LRRC40: variants seen among roughly 807,000 people sequenced by gnomAD.
LRRC40 encodes the protein leucine rich repeat containing 40.
Under a neutral mutation model 72.8 loss-of-function variants are expected in LRRC40, and 76 were observed. The observed-to-expected ratio is 1.04, with a 90% CI of 0.87 to 1.26. LRRC40 has a LOEUF of 1.26. LRRC40 is among the 50% of genes most tolerant of loss of function. LRRC40 has a pLI of 0.00. For synonymous variants in LRRC40, 243 were observed against 254.2 expected, an observed-to-expected ratio of 0.96 and a Z score of 0.42; for missense variants, 684 against 698.9, an observed-to-expected ratio of 0.98 and a Z score of 0.24.
chr1:70,175,959 C>A lies in LRRC40; in HGVS notation c.828G>T (p.Gln276His), dbSNP rs1328918553. 10 of 1,579,830 alleles carry A rather than the reference C, an allele frequency of 6.3e-6. No individual in the cohort carries two copies. The highest frequency in any genetic ancestry group is 8.6e-6 in the Non-Finnish European group (10 of 1,168,322). The change falls in exon 7 of 15, where the codon CAG becomes CAT. Residue 276 changes from glutamine to histidine, a missense_variant. Gln to His is a conservative substitution (Grantham distance 24). Coordinates refer to ENST00000370952, the MANE Select transcript of LRRC40 (RefSeq NM_017768.5). ...GATGTTCTGCCTCTAACATTTCAAT[C>A]TGGTTTTCACCTACGTGCAATTCCT... Reference protein sequence around the residue: ...LLKELHVGENQIEMLEAEHLK... With the variant: ...LLKELHVGENHIEMLEAEHLK...
chr1:70,179,511 A>C (rs956531061), intron 5 of LRRC40, among the ~76,000 whole-genome samples: 5 of 152,152 alleles, frequency 3.3e-5, no homozygotes, highest in Non-Finnish European at 5.9e-5. Flanking sequence ...TTTAAAAATA[A>C]AGTTCTGGTA....
At chr1:70,185,342 T>C (rs1022642878) in intron 3 of LRRC40, among the ~76,000 whole-genome samples, 17 of 152,208 alleles carry the variant, frequency 1.1e-4, no homozygotes, top group Admixed American at 9.2e-4. Flanking sequence ...TGGTGGGAGA[T>C]AGTATGAATC....
chr1:70,184,653 C>T (rs1441213660), intron 4 of LRRC40, 132 bp downstream of exon 4: 3 of 867,358 alleles, frequency 3.5e-6, no homozygotes, highest in Admixed American at 2.9e-5. Context: ...TTGAAATGCA[C>T]ATTTCTGATA....
chr1:70,159,510 T>G (rs112154676), intron 9 of LRRC40, 72 bp from the exon 10 acceptor site: 1 of 656,612 alleles, frequency 1.5e-6, no homozygotes, highest in Non-Finnish European at 2.7e-6. Context: ...TGATAATATA[T>G]TAAAACAGTG....
Position 70,184,768 on chromosome 1 carries a change from G to A in LRRC40, c.537+17C>T. The A allele has an allele frequency of 6.3e-7, 1 of 1,582,192 alleles. No individual in the cohort carries two copies. The highest frequency in any genetic ancestry group is 1.2e-5 in the South Asian group (1 of 85,104). ...ACCAGCCCCAAATTGTACAAAAATT[G>A]GAAAATCAGAACTTACTAAATCTTC... On this transcript the variant is annotated intron_variant, in intron 4 of 14. Transcript: ENST00000370952.
intron 4 of LRRC40, 40 bp from the exon 5 acceptor site, chr1:70,181,249 A>T: frequency 7.9e-7 from 1 of 1,267,362 alleles, no homozygotes; most frequent in Non-Finnish European, 1.1e-6. Context: ...ATAAACAAGT[A>T]AAAAAATAAA....
chr1:70,185,719 C>T (rs1668346196), intron 3 of LRRC40, among the ~76,000 whole-genome samples: 1 of 152,108 alleles, frequency 6.6e-6, no homozygotes, highest in African/African-American at 2.4e-5. Flanking sequence ...TGTTTGAGGA[C>T]CTAGGATGTC....
intron 3 of LRRC40, among the ~76,000 whole-genome samples, chr1:70,186,293 A>G (rs1298858986): frequency 6.6e-6 from 1 of 152,170 alleles, no homozygotes; most frequent in Non-Finnish European, 1.5e-5. Flanking sequence ...CATGTCACTC[A>G]ACACTTACTG....
intron 1 of LRRC40, among the ~76,000 whole-genome samples, chr1:70,194,338 A>G (rs1352956097): frequency 1.3e-5 from 2 of 149,350 alleles, no homozygotes; most frequent in Non-Finnish European, 2.9e-5. Context: ...AAGATTTACA[A>G]TACAAGACAT....
At chr1:70,161,344 A>C (rs909176097) in intron 9 of LRRC40, among the ~76,000 whole-genome samples, 6 of 151,832 alleles carry the variant, frequency 4.0e-5, no homozygotes, top group Non-Finnish European at 8.8e-5. Context: ...TTGGCCTCCC[A>C]AAGTGCTGGG....
At chr1:70,161,160 C>T (rs1006257916) in intron 9 of LRRC40, among the ~76,000 whole-genome samples, 1 of 150,802 alleles carries the variant, frequency 6.6e-6, no homozygotes, top group Admixed American at 6.6e-5. Flanking sequence ...CGATCTCGCA[C>T]GGCAAGCTCC....
At chr1:70,164,285 G>A (rs1217357351) in intron 9 of LRRC40, among the ~76,000 whole-genome samples, 1 of 152,134 alleles carries the variant, frequency 6.6e-6, no homozygotes, top group Non-Finnish European at 1.5e-5. Context: ...AGCTACTCAT[G>A]AGGCTGAGGC....
chr1:70,151,149 G>A lies in LRRC40; in HGVS notation c.1496C>T (p.Thr499Met), dbSNP rs781661778. The change falls in exon 13 of 15, where the codon ACG (threonine) becomes ATG (methionine). Residue 499 changes from threonine (T) to methionine (M), a missense_variant. Transcript: ENST00000370952. The part of the protein sequence containing the change: ...EEMESLVRLQ[T>M]INLSFNRFKM... ...TTACCTATTAAAGGAAAGATTGATC[G>A]TTTGCAGTCTTACCAGTGATTCCAT... 26 of 1,580,210 alleles carry A rather than the reference G, an allele frequency of 1.6e-5. No individual in the cohort carries two copies. Among genetic ancestry groups the A allele is most frequent in the South Asian group, 2.2e-5 (2 of 89,468 alleles).
intron 4 of LRRC40, among the ~76,000 whole-genome samples, chr1:70,181,460 T>C (rs892026006): frequency 6.6e-6 from 1 of 152,064 alleles, no homozygotes; most frequent in African/African-American, 2.4e-5. Flanking sequence ...GAATTCTAAC[T>C]TCAAAAATAT....
At chr1:70,172,784 C>T (rs1218457862) in intron 9 of LRRC40, among the ~76,000 whole-genome samples, 1 of 152,088 alleles carries the variant, frequency 6.6e-6, no homozygotes, top group African/African-American at 2.4e-5. Context: ...TAGTGCTAAG[C>T]TAAGCTATGC....
intron 1 of LRRC40, among the ~76,000 whole-genome samples, chr1:70,201,278 C>G (rs1668732487): frequency 6.6e-6 from 1 of 152,072 alleles, no homozygotes; most frequent in South Asian, 2.1e-4. Flanking sequence ...TTAACATATA[C>G]TAAAAATACA....
At chr1:70,202,772 T>G (rs991125760) in intron 1 of LRRC40, among the ~76,000 whole-genome samples, 1 of 152,238 alleles carries the variant, frequency 6.6e-6, no homozygotes, top group Non-Finnish European at 1.5e-5. Context: ...GAGGAAACTC[T>G]AAGCTGGAGA....
intron 1 of LRRC40, among the ~76,000 whole-genome samples, chr1:70,201,799 C>T (rs940911217): frequency 2.0e-5 from 3 of 151,900 alleles, no homozygotes; most frequent in Admixed American, 6.6e-5. Context: ...ATGGAGAAAC[C>T]CCGTCTCTAC....
intron 14 of LRRC40, among the ~76,000 whole-genome samples, chr1:70,147,436 T>C (rs1667336075): frequency 6.6e-6 from 1 of 152,212 alleles, no homozygotes; most frequent in South Asian, 2.1e-4. Context: ...TGAATTATAG[T>C]GCTGTTGGCC....
Sources: allele counts gnomAD v4.1 joint callset (sites outside exome capture counted in the v4.1 genomes callset), GRCh38; gene constraint gnomAD v4.1.1; transcripts MANE v1.5; gene names NCBI Gene and HGNC (gene_info 2026-07-23, HGNC 2026-07-21).